Variants in ZNF558 observed in about 807,000 individuals in gnomAD.
The protein encoded by ZNF558 is zinc finger protein 558.
Under a neutral mutation model 37.6 loss-of-function variants are expected in ZNF558, and 23 were observed. The observed-to-expected ratio is 0.61, with a 90% CI of 0.44 to 0.87. The LOEUF is 0.87. Ranked by LOEUF, ZNF558 falls within the 40% of genes least tolerant of loss-of-function variation. The pLI is 0.00. For missense variants in ZNF558, 429 were observed against 483.7 expected, an observed-to-expected ratio of 0.89 and a Z score of 1.06; for synonymous variants, 189 against 174.4, an observed-to-expected ratio of 1.08 and a Z score of -0.66.
chr19:8,827,709 G>A (rs1431218834), intron 2 of ZNF558, among the ~76,000 whole-genome samples: 1 of 151,814 alleles, frequency 6.6e-6, no homozygotes, highest in Non-Finnish European at 1.5e-5. Context: ...GAGCAGCTGG[G>A]ACTACAGGTG....
intron 2 of ZNF558, among the ~76,000 whole-genome samples, chr19:8,827,568 ATTCT>A (rs2044260023): frequency 2.0e-5 from 2 of 98,972 alleles, no homozygotes; most frequent in Non-Finnish European, 4.2e-5. Context: ...TTCTTTCCCT[ATTCT>A]TTTTTTTTTT....
rs1001417471 is a variant in ZNF558 at position 8,806,398 on chromosome 19, C to A, written c.*4883G>T. 1.1e-4 allele frequency: 17 copies of A among 151,952 alleles called. No homozygotes were observed. The highest frequency in any genetic ancestry group is 1.0e-3 in the Admixed American group (16 of 15,244). The allele number at this position is 151,952 out of a possible 1,614,324, so 9.4% of individuals were successfully genotyped here. ...ACGGTTATGCTGTTAATTCTCTCAG[C>A]TTAAAAAAATCCCTCCCAGGCCGGG... On this transcript the variant is annotated 3_prime_UTR_variant, in exon 10 of 10. Coordinates refer to ENST00000601372, the MANE Select transcript of ZNF558 (RefSeq NM_144693.3).
intron 7 of ZNF558, among the ~76,000 whole-genome samples, chr19:8,816,343 G>A (rs961581936): frequency 3.9e-5 from 6 of 152,188 alleles, no homozygotes; most frequent in African/African-American, 7.2e-5. Context: ...GATTATAGGC[G>A]TGAACCATTG....
In ZNF558 at chr19:8,808,984, T is replaced by G. The variant is rs1555766728; in HGVS notation, c.*2297A>C. The G allele has an allele frequency of 6.6e-6, 1 of 152,096 alleles. No individual in the cohort carries two copies. The highest frequency in any genetic ancestry group is 2.4e-5 in the African/African-American group (1 of 41,410). The allele number at this position is 152,096 out of a possible 1,614,324, so 9.4% of individuals were successfully genotyped here. On this transcript the variant is annotated 3_prime_UTR_variant, in exon 10 of 10. Coordinates refer to ENST00000601372, the MANE Select transcript of ZNF558 (RefSeq NM_144693.3). ...TAGTAGAGATAGGGTTTCACCACGT[T>G]GGCCAGGATGGTCTCAATCTGTTGA...
At chr19:8,824,727 C>G (rs768055983) in intron 3 of ZNF558, among the ~76,000 whole-genome samples, 2 of 152,108 alleles carry the variant, frequency 1.3e-5, no homozygotes, top group African/African-American at 4.8e-5. Context: ...TGTCTGTGCT[C>G]GAAGCTCTCT....
At position 8,824,983 on chromosome 19, in the gene ZNF558, C is replaced by T. The variant is rs1388717329; in HGVS notation, c.-402+19G>A. The T allele has an allele frequency of 3.9e-5, 6 of 152,194 alleles. No individual in the cohort carries two copies. Among genetic ancestry groups the T allele is most frequent in the Admixed American group, 2.6e-4 (4 of 15,264 alleles). 9.4% of individuals were successfully genotyped at this position (152,194 alleles called of 1,614,324 possible). A position where few individuals can be genotyped will look rare whatever the true frequency, so the allele number is the denominator to read the frequency against. On this transcript the variant is annotated intron_variant, in intron 3 of 9. Coordinates refer to ENST00000601372, the MANE Select transcript of ZNF558 (RefSeq NM_144693.3). ...CCAAGGACAATACCCTTGATGGAATCGACAATGACCTTACTCACCAGGGAG... is the reference window on the plus strand; with the variant it reads ...CCAAGGACAATACCCTTGATGGAATTGACAATGACCTTACTCACCAGGGAG...
intron 2 of ZNF558, 135 bp downstream of exon 2, chr19:8,831,182 TG>T (rs2044344661): frequency 6.6e-6 from 1 of 152,236 alleles, no homozygotes; most frequent in Non-Finnish European, 1.5e-5. Context: ...CTTTTTACCT[TG>T]AACTTTCCTT....
rs1178224438 is a variant in ZNF558 at position 8,807,239 on chromosome 19, G to C, written c.*4042C>G. The C allele has an allele frequency of 2.0e-5, 3 of 152,300 alleles. No homozygotes were observed. Among genetic ancestry groups the C allele is most frequent in the African/African-American group, 7.2e-5 (3 of 41,450 alleles). 9.4% of individuals were successfully genotyped at this position (152,300 alleles called of 1,614,324 possible). A position where few individuals can be genotyped will look rare whatever the true frequency, so the allele number is the denominator to read the frequency against. ...CCCTCTCCTCTCGTCTCCAGATTCA[G>C]TTGCTCCCTCCCTTCGTCCCTTCAG... On this transcript the variant is annotated 3_prime_UTR_variant, in exon 10 of 10. Coordinates refer to ENST00000601372, the MANE Select transcript of ZNF558 (RefSeq NM_144693.3).
chr19:8,826,589 C>T (rs1038508744), intron 2 of ZNF558, among the ~76,000 whole-genome samples: 5 of 152,044 alleles, frequency 3.3e-5, no homozygotes, highest in African/African-American at 4.8e-5. Flanking sequence ...GGTGGTAATG[C>T]GAGCAATGAG....
rs1347078206 is a variant in ZNF558, at chr19:8,822,116, T to G, written c.32-25A>C. The G allele has an allele frequency of 4.3e-6, 7 of 1,613,484 alleles. No individual in the cohort carries two copies. Among genetic ancestry groups the G allele is most frequent in the Non-Finnish European group, 5.9e-6 (7 of 1,179,630 alleles). ...GCTGGAGGAGGAGAAATGAGTCCCA[T>G]GGATTCAGGCTTGTCTGACACCCAC... On this transcript the variant is annotated intron_variant, in intron 5 of 9. Coordinates refer to ENST00000601372, the MANE Select transcript of ZNF558 (RefSeq NM_144693.3). This position sits in a 1 kb window ranked among gnomAD's most constrained non-coding sequence, Gnocchi z 4.4.
chr19:8,812,496 G>T, intron 9 of ZNF558, 65 bp downstream of exon 9: 1 of 1,094,842 alleles, frequency 9.1e-7, no homozygotes, highest in Non-Finnish European at 1.3e-6. Context: ...GTTATTTTGT[G>T]CCCTTTCTAA....
rs2145160543 is a variant in ZNF558 at position 8,808,692 on chromosome 19, A to T, written c.*2589T>A. 6.6e-6 allele frequency: 1 copy of T among 152,372 alleles called. No individual in the cohort carries two copies. The highest frequency in any genetic ancestry group is 2.1e-4 in the South Asian group (1 of 4,832). The allele number at this position is 152,372 out of a possible 1,614,324, so 9.4% of individuals were successfully genotyped here. A position where few individuals can be genotyped will look rare whatever the true frequency, so the allele number is the denominator to read the frequency against. On this transcript the variant is annotated 3_prime_UTR_variant, in exon 10 of 10. Coordinates refer to ENST00000601372, the MANE Select transcript of ZNF558 (RefSeq NM_144693.3). ...TATAGGTTTACCAGTTAGATTCTGC[A>T]TCCTGCTGGAAGTTAACAGAACACC... is the stretch of plus-strand genomic sequence containing the variant.
intron 7 of ZNF558, among the ~76,000 whole-genome samples, chr19:8,819,004 A>G (rs1308784971): frequency 6.6e-6 from 1 of 152,236 alleles, no homozygotes; most frequent in Non-Finnish European, 1.5e-5. Flanking sequence ...TCCACACCAT[A>G]AGCAAAATTC....
chr19:8,833,348 A>T (rs1295940414), upstream of ZNF558: 4 of 152,202 alleles, frequency 2.6e-5, no homozygotes, highest in African/African-American at 9.7e-5. Flanking sequence ...GGTCATAGAT[A>T]CACATATAGG....
chr19:8,836,466 C>A (rs935488741), upstream of ZNF558, among the ~76,000 whole-genome samples: 1 of 150,526 alleles, frequency 6.6e-6, no homozygotes, highest in South Asian at 2.1e-4. Context: ...CCTCCTCCTC[C>A]CCCCCTCTCC....
chr19:8,813,354 C>T, intron 7 of ZNF558, 132 bp from the exon 8 acceptor site: 1 of 686,574 alleles, frequency 1.5e-6, no homozygotes, highest in South Asian at 1.9e-5. Context: ...TGCCTTAATT[C>T]TTTTCTTTTT....
chr19:8,836,776 C>A (rs1484908335), upstream of ZNF558, among the ~76,000 whole-genome samples: 1 of 152,168 alleles, frequency 6.6e-6, no homozygotes, highest in Non-Finnish European at 1.5e-5. Flanking sequence ...TTAGGCATGA[C>A]CCCATCGTAT....
Position 8,813,169 on chromosome 19 carries a change from C to T in ZNF558, c.301G>A (p.Val101Met). The T allele has an allele frequency of 1.9e-6, 3 of 1,600,018 alleles. No individual in the cohort carries two copies. The highest frequency in any genetic ancestry group is 2.6e-6 in the Non-Finnish European group (3 of 1,172,664). Residue 101 changes from valine to methionine, a missense_variant, in exon 8 of 10, where the codon GTG (valine) becomes ATG (methionine). By Grantham distance (21) the Val-to-Met change is conservative. Coordinates refer to ENST00000601372, the MANE Select transcript of ZNF558 (RefSeq NM_144693.3). ...AGAATTCCTCTTTCCTCTGTCACCA[C>T]CTTCTTGTCTTGTTCCAACTGGGAT... ...LISQLEQDKK[V>M]VTEERGILPS...
At chr19:8,817,729 T>C (rs2043974711) in intron 7 of ZNF558, among the ~76,000 whole-genome samples, 1 of 152,180 alleles carries the variant, frequency 6.6e-6, no homozygotes, top group Non-Finnish European at 1.5e-5. Flanking sequence ...CAATAAAAAT[T>C]GTTATAAAAC....
Sources: allele counts gnomAD v4.1 joint callset (sites outside exome capture counted in the v4.1 genomes callset), GRCh38; gene constraint gnomAD v4.1.1; non-coding constraint Gnocchi (gnomAD v3.1); transcripts MANE v1.5; gene names NCBI Gene and HGNC (gene_info 2026-07-23, HGNC 2026-07-21).